The following RAB6B variants were observed in gnomAD, a reference collection of about 807,000 sequenced individuals.
The protein encoded by RAB6B is RAB6B, member RAS oncogene family.
In RAB6B, 7 loss-of-function variants were observed where a neutral mutation model predicts 31.2. That is an observed-to-expected ratio of 0.22 (90% CI 0.13 to 0.42). The LOEUF (loss-of-function observed/expected upper bound fraction) is 0.42. Ranked by LOEUF, RAB6B falls within the 10% of genes least tolerant of loss-of-function variation. The pLI, the probability that RAB6B is intolerant of heterozygous loss-of-function variation, is 1.00. For missense variants in RAB6B, 149 were observed against 280.6 expected (o/e 0.53, Z 3.35); for synonymous variants, 105 against 104.9 (o/e 1.00, Z -0.01).
At chr3:133,867,149 C>T (rs1036777591) in intron 1 of RAB6B, among the ~76,000 whole-genome samples, 1 of 152,244 alleles carries the variant, frequency 6.6e-6, no homozygotes, top group Non-Finnish European at 1.5e-5. Flanking sequence ...CACTTGCTCA[C>T]AGGTCTAGGG....
At position 133,828,109 on chromosome 3, in the gene RAB6B, C is replaced by T. The variant is rs1043703187; in HGVS notation, c.*679G>A. 7 of 640,490 alleles carry T rather than the reference C, an allele frequency of 1.1e-5. No homozygotes were observed. The highest frequency in any genetic ancestry group is 1.1e-4 in the African/African-American group (6 of 55,722). 39.7% of individuals were successfully genotyped at this position (640,490 alleles called of 1,614,324 possible). On this transcript the variant is annotated 3_prime_UTR_variant, in exon 8 of 8. Coordinates refer to ENST00000285208, the MANE Select transcript of RAB6B (RefSeq NM_016577.4). ...AGAGAAGGAGAGGTGGGAGCAGTTC[C>T]TCTGGGGGCTGCTGCCGGGCTGCCT...
At chr3:133,833,033 C>T (rs1935678030) in intron 7 of RAB6B, among the ~76,000 whole-genome samples, 2 of 152,214 alleles carry the variant, frequency 1.3e-5, no homozygotes, top group South Asian at 2.1e-4. Flanking sequence ...ACCTTGGGAG[C>T]TGGTGGGATG....
At chr3:133,844,180 AG>A (rs1176469181) in intron 2 of RAB6B, among the ~76,000 whole-genome samples, 2 of 152,226 alleles carry the variant, frequency 1.3e-5, no homozygotes, top group Non-Finnish European at 2.9e-5. Context: ...GTCCCAGCAA[AG>A]CTCAACCCAG....
intron 3 of RAB6B, 82 bp from the exon 4 acceptor site, chr3:133,841,472 G>A (rs1935829087): frequency 5.2e-6 from 8 of 1,547,266 alleles, no homozygotes; most frequent in African/African-American, 4.1e-5. Flanking sequence ...TGGGAGAGCC[G>A]GGCTCTGCAA....
chr3:133,854,358 AT>A, intron 2 of RAB6B, among the ~76,000 whole-genome samples: 2 of 152,296 alleles, frequency 1.3e-5, no homozygotes, highest in Admixed American at 1.3e-4. Flanking sequence ...GCTGGTAACT[AT>A]TTTACAGGGA....
chr3:133,833,005 C>T (rs1935677748), intron 7 of RAB6B, among the ~76,000 whole-genome samples: 1 of 152,246 alleles, frequency 6.6e-6, no homozygotes, highest in Non-Finnish European at 1.5e-5. Flanking sequence ...TCACCACTCA[C>T]CCCGGCCAGT....
intron 7 of RAB6B, among the ~76,000 whole-genome samples, chr3:133,830,947 G>A (rs745386905): frequency 6.6e-6 from 1 of 152,164 alleles, no homozygotes; most frequent in Non-Finnish European, 1.5e-5. Flanking sequence ...GAGCCAAAAC[G>A]TCTGAAGACA....
intron 2 of RAB6B, among the ~76,000 whole-genome samples, chr3:133,852,343 T>C (rs1474171931): frequency 1.3e-5 from 2 of 152,216 alleles, no homozygotes; most frequent in African/African-American, 2.4e-5. Context: ...TGTGAGGGTC[T>C]GTATCACAAA....
At chr3:133,885,438 T>C (rs2108014763) in intron 1 of RAB6B, 5 of 683,016 alleles carry the variant, frequency 7.3e-6, no homozygotes, top group South Asian at 1.5e-5. Context: ...GGAACTCACA[T>C]ACCCAGTGAC....
rs1442392120 is a variant in RAB6B at position 133,825,781 on chromosome 3, A to G, written c.*3007T>C. On this transcript the variant is annotated 3_prime_UTR_variant, in exon 8 of 8. Transcript: ENST00000285208. ...CCACCATCCCCAAAAAAGAAGGCCAAGAGGATCCTGCTAATCTGCCAGGTC... is the reference window on the plus strand; with the variant it reads ...CCACCATCCCCAAAAAAGAAGGCCAGGAGGATCCTGCTAATCTGCCAGGTC... 4 of 152,236 alleles carry G rather than the reference A, an allele frequency of 2.6e-5. No homozygotes were observed. The highest frequency in any genetic ancestry group is 2.0e-4 in the Admixed American group (3 of 15,288). 9.4% of individuals were successfully genotyped at this position (152,236 alleles called of 1,614,324 possible).
intron 7 of RAB6B, among the ~76,000 whole-genome samples, chr3:133,833,057 G>A (rs1480043920): frequency 1.9e-4 from 29 of 152,220 alleles, no homozygotes; most frequent in Admixed American, 1.9e-3. Flanking sequence ...AGCGGGCAGT[G>A]CAACCCTTCC....
chr3:133,839,106 C>A (rs1935783300), intron 5 of RAB6B, among the ~76,000 whole-genome samples: 1 of 152,234 alleles, frequency 6.6e-6, no homozygotes, highest in African/African-American at 2.4e-5. Flanking sequence ...GCATTCACAG[C>A]CCCACGCACA....
At chr3:133,864,690 G>A (rs1344369569) in intron 1 of RAB6B, 48 bp from the exon 2 acceptor site, 14 of 1,543,786 alleles carry the variant, frequency 9.1e-6, no homozygotes, top group African/African-American at 1.4e-5. Context: ...ATCTGAGCTA[G>A]GCTCTTCTAA....
chr3:133,862,580 G>A (rs146871095), intron 2 of RAB6B, among the ~76,000 whole-genome samples: 182 of 152,310 alleles, frequency 1.2e-3, no homozygotes, highest in African/African-American at 4.2e-3. Context: ...AGGGCATTCC[G>A]GCAGAGGCAA....
chr3:133,882,989 A>G (rs1936489920), intron 1 of RAB6B, among the ~76,000 whole-genome samples: 1 of 152,234 alleles, frequency 6.6e-6, no homozygotes, highest in Admixed American at 6.5e-5. Flanking sequence ...TGGTGCCACA[A>G]GTAGGATTTG....
chr3:133,851,552 A>G (rs142571175), intron 2 of RAB6B, among the ~76,000 whole-genome samples: 129 of 152,362 alleles, frequency 8.5e-4, no homozygotes, highest in Non-Finnish European at 1.7e-3. Context: ...GTGTGGGCAG[A>G]GAAGAGCAGA....
chr3:133,854,766 G>A (rs967015112), intron 2 of RAB6B, among the ~76,000 whole-genome samples: 10 of 152,202 alleles, frequency 6.6e-5, no homozygotes, highest in African/African-American at 2.4e-4. Context: ...TACATTACAT[G>A]CTTCCTTCTG....
chr3:133,889,425 TATATATATATATATATA>T (rs1936603034), intron 1 of RAB6B, among the ~76,000 whole-genome samples: 2 of 67,436 alleles, frequency 3.0e-5, no homozygotes, highest in African/African-American at 1.1e-4. Flanking sequence ...TATATATATA[TATATATATATATATATA>T]TATTTATTTT....
intron 1 of RAB6B, among the ~76,000 whole-genome samples, chr3:133,878,872 G>A (rs1279660768): frequency 6.6e-6 from 1 of 152,174 alleles, no homozygotes; most frequent in Non-Finnish European, 1.5e-5. Context: ...TGAAATAAAG[G>A]CATATGTTGA....
Sources: allele counts gnomAD v4.1 joint callset (sites outside exome capture counted in the v4.1 genomes callset), GRCh38; gene constraint gnomAD v4.1.1; transcripts MANE v1.5; gene names NCBI Gene and HGNC (gene_info 2026-07-23, HGNC 2026-07-21).